Variants in WDTC1 observed in about 807,000 individuals in gnomAD.
The protein encoded by WDTC1 is WD and tetratricopeptide repeats 1.
In WDTC1, 12 loss-of-function variants were observed where a neutral mutation model predicts 76.0. The ratio of observed to expected loss-of-function variants is 0.16; its 90% CI spans 0.10 to 0.26. WDTC1 has a LOEUF of 0.26. WDTC1 is among the 10% of genes least tolerant of loss of function. The pLI, the probability that WDTC1 is intolerant of heterozygous loss-of-function variation, is 1.00. For missense variants in WDTC1, 511 were observed against 908.8 expected (o/e 0.56, Z 5.63); for synonymous variants, 326 against 350.8 (o/e 0.93, Z 0.79).
At chr1:27,276,248 G>A (rs1435097883) in intron 3 of WDTC1, among the ~76,000 whole-genome samples, 1 of 152,166 alleles carries the variant, frequency 6.6e-6, no homozygotes, top group African/African-American at 2.4e-5. Context: ...ACCGAAGGGT[G>A]GAATTGCTGG....
chr1:27,308,573 G>C lies in WDTC1; in HGVS notation c.*2190G>C, dbSNP rs1172443217. On this transcript the variant is annotated 3_prime_UTR_variant, in exon 16 of 16. Transcript: ENST00000319394. ...CACATGATTACTTGTAGATATGTGT[G>C]TGTGTATATATATATAAAAAAAATG... 1 of 151,962 alleles carries C rather than the reference G, an allele frequency of 6.6e-6. No individual in the cohort carries two copies. The highest frequency in any genetic ancestry group is 1.5e-5 in the Non-Finnish European group (1 of 67,986). The allele number at this position is 151,962 out of a possible 1,614,324, so 9.4% of individuals were successfully genotyped here. A position where few individuals can be genotyped will look rare whatever the true frequency, so the allele number is the denominator to read the frequency against.
In WDTC1 at chr1:27,293,449, A is replaced by AAAAAAAG. The variant is rs576038881; in HGVS notation, c.663-569_663-568insAAGAAAA. ...TCAGTCTCAATTAAAAAAAAAAAAA[A>AAAAAAAG]AAAAGTATAAATTACCCATAATCTC... On this transcript the variant is annotated intron_variant, in intron 7 of 15. Coordinates refer to ENST00000319394, the MANE Select transcript of WDTC1 (RefSeq NM_001276252.2). 1.5e-3 allele frequency among the ~76,000 whole-genome samples: 230 copies of AAAAAAAG among 150,420 alleles called. 2 individuals are homozygous for AAAAAAAG. The highest frequency in any genetic ancestry group is 5.3e-3 in the African/African-American group (218 of 40,872).
At chr1:27,300,656 C>T (rs888736254) in intron 12 of WDTC1, among the ~76,000 whole-genome samples, 1 of 152,128 alleles carries the variant, frequency 6.6e-6, no homozygotes, top group Non-Finnish European at 1.5e-5. Context: ...ATCCTCCAGC[C>T]CCAGGAGGTA....
rs2012960861 is a variant in WDTC1 at position 27,274,291 on chromosome 1, A to T, written c.133-7948A>T. On this transcript the variant is annotated intron_variant, in intron 3 of 15. Coordinates refer to ENST00000319394, the MANE Select transcript of WDTC1 (RefSeq NM_001276252.2). This position sits in a 1 kb window ranked among gnomAD's most constrained non-coding sequence, Gnocchi z 4.2. Reference sequence around the variant, plus strand: ...GGCAATGGAAGGAGACACTGTCTTTAAAAAAGAGAGAGAGAGAGAGGGAAA... The same window carrying T: ...GGCAATGGAAGGAGACACTGTCTTTTAAAAAGAGAGAGAGAGAGAGGGAAA... Among the ~76,000 whole-genome samples, 1 of 152,022 alleles carries T rather than the reference A, an allele frequency of 6.6e-6. No homozygotes were observed. Among genetic ancestry groups the T allele is most frequent in the Non-Finnish European group, 1.5e-5 (1 of 68,022 alleles).
intron 7 of WDTC1, among the ~76,000 whole-genome samples, chr1:27,293,149 T>C (rs1338679801): frequency 4.0e-5 from 6 of 151,558 alleles, no homozygotes; most frequent in African/African-American, 1.2e-4. Context: ...AAGTATAAAT[T>C]AGGCCGGGCG....
At chr1:27,278,451 T>C (rs902190532) in intron 3 of WDTC1, among the ~76,000 whole-genome samples, 21 of 152,312 alleles carry the variant, frequency 1.4e-4, no homozygotes, top group African/African-American at 4.8e-4. Context: ...ATGCCTACTA[T>C]ATGACAGAAA....
chr1:27,284,334 T>A (rs1156818404), intron 5 of WDTC1, among the ~76,000 whole-genome samples: 1 of 152,180 alleles, frequency 6.6e-6, no homozygotes, highest in Admixed American at 6.5e-5. Flanking sequence ...CCTTTCCAGC[T>A]CTGAGATTCT....
chr1:27,238,149 A>G (rs1385908526), intron 1 of WDTC1, among the ~76,000 whole-genome samples: 1 of 152,198 alleles, frequency 6.6e-6, no homozygotes, highest in Non-Finnish European at 1.5e-5. Context: ...AGCAAGTAAG[A>G]GGAAGGACTG....
chr1:27,270,172 C>T (rs1570960072), intron 3 of WDTC1, among the ~76,000 whole-genome samples: 1 of 152,128 alleles, frequency 6.6e-6, no homozygotes, highest in Admixed American at 6.6e-5. Context: ...AGTCCACCCA[C>T]CTTGGCCTCT....
intron 7 of WDTC1, 54 bp downstream of exon 7, chr1:27,292,451 T>A: frequency 6.9e-7 from 1 of 1,449,594 alleles, no homozygotes. Context: ...GAGAACCTAC[T>A]GCCCCTTTCC....
chr1:27,250,652 C>G (rs142206239), intron 1 of WDTC1, among the ~76,000 whole-genome samples: 2 of 152,198 alleles, frequency 1.3e-5, no homozygotes, highest in East Asian at 3.9e-4. Context: ...TCTCTTTCTG[C>G]TGCGTTATCC....
At chr1:27,238,385 A>C (rs1450865209) in intron 1 of WDTC1, among the ~76,000 whole-genome samples, 1 of 152,204 alleles carries the variant, frequency 6.6e-6, no homozygotes, top group Non-Finnish European at 1.5e-5. Flanking sequence ...CTTTGGTTTG[A>C]TAGGAGATAA....
chr1:27,273,757 G>T (rs900140422), intron 3 of WDTC1, among the ~76,000 whole-genome samples: 12 of 151,946 alleles, frequency 7.9e-5, no homozygotes, highest in Non-Finnish European at 1.5e-4. Context: ...TAAGTGTAAG[G>T]GGTCCTGAAG....
Position 27,260,879 on chromosome 1 carries a change from T to G in WDTC1, c.-99-77T>G, listed in dbSNP as rs2012455909. 5.8e-6 allele frequency: 4 copies of G among 687,396 alleles called. 1 individual carries two copies. 42.6% of individuals were successfully genotyped at this position (687,396 alleles called of 1,614,324 possible). ...GCAAGGGCCACTTCACTGGGTGGGC[T>G]GTTTTAGGGGTGGAATTAGGTCTTG... On this transcript the variant is annotated intron_variant, in intron 1 of 15. Transcript: ENST00000319394.
chr1:27,268,807 C>T lies in WDTC1; in HGVS notation c.132+5572C>T, dbSNP rs1326765084. 4.0e-5 allele frequency among the ~76,000 whole-genome samples: 6 copies of T among 151,304 alleles called. No individual in the cohort carries two copies. In the East Asian group the frequency reaches 1.2e-3, roughly 30 times the overall value. On this transcript the variant is annotated intron_variant, in intron 3 of 15. Coordinates refer to ENST00000319394, the MANE Select transcript of WDTC1 (RefSeq NM_001276252.2). Reference sequence around the variant, plus strand: ...TTGGCTCACTGCAACCTTTGCCTCCCGGGTTCAAGTGATTCTCCTGCCTCA... The same window carrying T: ...TTGGCTCACTGCAACCTTTGCCTCCTGGGTTCAAGTGATTCTCCTGCCTCA...
rs748107097 is a variant in WDTC1, at chr1:27,297,124, C to T, written c.1026C>T (p.Gly342=). Residue 342 remains glycine, a synonymous_variant, in exon 11 of 16, where the codon GGC becomes GGT. Transcript: ENST00000319394. ...VSNGLHLHSN[G]FRLPESRGHV... ...ATGGCCTGCACCTTCATAGCAATGGCTTCCGGCTGCCGGAGAGTAGGGGAC... is the reference window on the plus strand; with the variant it reads ...ATGGCCTGCACCTTCATAGCAATGGTTTCCGGCTGCCGGAGAGTAGGGGAC... 6.2e-7 allele frequency: 1 copy of T among 1,613,528 alleles called. No homozygotes were observed. The highest frequency in any genetic ancestry group is 8.5e-7 in the Non-Finnish European group (1 of 1,179,702).
chr1:27,294,676 A>G, intron 9 of WDTC1, 47 bp downstream of exon 9: 3 of 1,531,824 alleles, frequency 2.0e-6, no homozygotes, highest in Non-Finnish European at 1.8e-6. Context: ...TTCCATGCCC[A>G]GCAGCCAGGG....
chr1:27,293,913 C>T, intron 7 of WDTC1, 109 bp from the exon 8 acceptor site: 1 of 1,026,500 alleles, frequency 9.7e-7, no homozygotes, highest in South Asian at 1.5e-5. Context: ...AGGAAAAATA[C>T]CTCCTGTATG....
chr1:27,235,149 G>T (rs1270645386), intron 1 of WDTC1, among the ~76,000 whole-genome samples, 198 bp downstream of exon 1: 2 of 152,118 alleles, frequency 1.3e-5, no homozygotes, highest in African/African-American at 4.8e-5. Flanking sequence ...TGGTCCGGGG[G>T]CGGGGTGGGG....
Sources: allele counts gnomAD v4.1 joint callset (sites outside exome capture counted in the v4.1 genomes callset), GRCh38; gene constraint gnomAD v4.1.1; non-coding constraint Gnocchi (gnomAD v3.1); transcripts MANE v1.5; gene names NCBI Gene and HGNC (gene_info 2026-07-23, HGNC 2026-07-21).